The following MNAT1 variants were observed in gnomAD, a reference collection of about 807,000 sequenced individuals.
MNAT1 encodes MNAT1 component of CDK activating kinase, also known as CDK-activating kinase assembly factor MAT1.
In MNAT1, 43 loss-of-function variants were observed where a neutral mutation model predicts 42.0. The ratio of observed to expected loss-of-function variants is 1.02; its 90% CI spans 0.80 to 1.32. The LOEUF (loss-of-function observed/expected upper bound fraction) is 1.32. MNAT1 is among the 40% of genes most tolerant of loss of function. The pLI is 0.00. For synonymous variants in MNAT1, 118 were observed against 120.0 expected, an observed-to-expected ratio of 0.98 and a Z score of 0.11; for missense variants, 306 against 350.4, an observed-to-expected ratio of 0.87 and a Z score of 1.01.
Position 60,796,743 on chromosome 14 carries a change from A to G in MNAT1, c.242+374A>G, listed in dbSNP as rs934780220. ...CATGAGACTTACCATACAGTAGCAT[A>G]GGATAGCAAAAAGACAAAAAAACAA... On this transcript the variant is annotated intron_variant, in intron 2 of 7. Coordinates refer to ENST00000261245, the MANE Select transcript of MNAT1 (RefSeq NM_002431.4). Among the ~76,000 whole-genome samples, 47 of 152,176 alleles carry G rather than the reference A, an allele frequency of 3.1e-4. 1 individual carries two copies. Among genetic ancestry groups the G allele is most frequent in the Non-Finnish European group, 8.8e-5 (6 of 68,026 alleles).
At chr14:60,746,630 T>G (rs1356476568) in intron 1 of MNAT1, among the ~76,000 whole-genome samples, 2 of 151,412 alleles carry the variant, frequency 1.3e-5, no homozygotes, top group African/African-American at 4.9e-5. Flanking sequence ...TGAGGGATGG[T>G]GCTGATCACT....
intron 7 of MNAT1, among the ~76,000 whole-genome samples, chr14:60,953,344 T>C (rs1223073387): frequency 1.3e-5 from 2 of 152,160 alleles, no homozygotes; most frequent in Non-Finnish European, 2.9e-5. Context: ...AGATTCTTCT[T>C]ATCCTTTGAA....
intron 7 of MNAT1, among the ~76,000 whole-genome samples, chr14:60,903,387 T>C (rs2035113953): frequency 1.3e-5 from 2 of 152,110 alleles, no homozygotes; most frequent in Admixed American, 1.3e-4. Context: ...AAACTTCAAG[T>C]TCAGGAAATT....
intron 7 of MNAT1, among the ~76,000 whole-genome samples, chr14:60,910,805 C>T (rs1368941014): frequency 2.6e-5 from 4 of 152,122 alleles, no homozygotes; most frequent in Admixed American, 2.6e-4. Flanking sequence ...TGTGTCTCTG[C>T]CCGGCTTTGG....
chr14:60,798,031 A>G, intron 2 of MNAT1, 56 bp from the exon 3 acceptor site: 2 of 825,494 alleles, frequency 2.4e-6, no homozygotes, highest in South Asian at 3.0e-5. Context: ...AACCAGTTAG[A>G]TAATATTAAA....
intron 6 of MNAT1, among the ~76,000 whole-genome samples, chr14:60,860,135 C>T: frequency 6.6e-6 from 1 of 152,090 alleles, no homozygotes; most frequent in South Asian, 2.1e-4. Context: ...TGAGTTCTAA[C>T]TTTCAGGCTT....
chr14:60,755,216 T>C (rs965639504), intron 1 of MNAT1, among the ~76,000 whole-genome samples: 55 of 152,088 alleles, frequency 3.6e-4, no homozygotes, highest in Admixed American at 7.9e-4. Context: ...TGATCTCAGC[T>C]CACTGCAACC....
intron 7 of MNAT1, among the ~76,000 whole-genome samples, chr14:60,883,742 T>C (rs1263801318): frequency 6.6e-6 from 1 of 152,110 alleles, no homozygotes; most frequent in Admixed American, 6.6e-5. Flanking sequence ...GTGTGTCCTC[T>C]TCAATTTTTT....
intron 3 of MNAT1, among the ~76,000 whole-genome samples, 199 bp from the exon 4 acceptor site, chr14:60,808,126 G>T (rs1357849134): frequency 6.6e-6 from 1 of 152,080 alleles, no homozygotes; most frequent in Non-Finnish European, 1.5e-5. Context: ...CAGACAGTCT[G>T]TCCTTGTGTT....
chr14:60,769,179 A>G (rs778883667), intron 1 of MNAT1, among the ~76,000 whole-genome samples: 35 of 152,114 alleles, frequency 2.3e-4, no homozygotes, highest in Non-Finnish European at 4.9e-4. Context: ...TTTTCTTCAT[A>G]GATTGGCCAG....
intron 6 of MNAT1, among the ~76,000 whole-genome samples, chr14:60,840,589 C>T (rs1360756281): frequency 1.3e-5 from 2 of 152,316 alleles, no homozygotes; most frequent in East Asian, 3.9e-4. Context: ...AGTCCTTATA[C>T]TCCATCATAG....
chr14:60,777,428 C>A (rs2031292539), intron 1 of MNAT1, among the ~76,000 whole-genome samples: 1 of 151,788 alleles, frequency 6.6e-6, no homozygotes, highest in African/African-American at 2.4e-5. Context: ...TTACTTGTAC[C>A]CCACCTCTCC....
rs1184188164 is a variant in MNAT1, at chr14:60,740,852, T to C, written c.89+5901T>C. Among the ~76,000 whole-genome samples the C allele has an allele frequency of 6.6e-6, 1 of 152,216 alleles. No homozygotes were observed. Among genetic ancestry groups the C allele is most frequent in the African/African-American group, 2.4e-5 (1 of 41,456 alleles). On this transcript the variant is annotated intron_variant, in intron 1 of 7. Transcript: ENST00000261245. This position sits in a 1 kb window ranked among gnomAD's most constrained non-coding sequence, Gnocchi z 4.1. ...CATTCTGTGGTTGTTGGGTGTAGTGTAGTATAAGTTATAAACGTGGTACAT... is the reference window on the plus strand; with the variant it reads ...CATTCTGTGGTTGTTGGGTGTAGTGCAGTATAAGTTATAAACGTGGTACAT...
At chr14:60,956,581 A>G (rs2036491406) in intron 7 of MNAT1, among the ~76,000 whole-genome samples, 1 of 152,160 alleles carries the variant, frequency 6.6e-6, no homozygotes, top group Non-Finnish European at 1.5e-5. Context: ...TTATCTATCC[A>G]TTGTTCGAAG....
intron 6 of MNAT1, among the ~76,000 whole-genome samples, chr14:60,863,209 C>G (rs1239816762): frequency 1.6e-4 from 24 of 152,002 alleles, no homozygotes; most frequent in Non-Finnish European, 7.4e-5. Context: ...CCCAGGACTC[C>G]AGCCAGTGCA....
At chr14:60,869,040 A>ATATATTTTT (rs1465360826) in intron 6 of MNAT1, among the ~76,000 whole-genome samples, 27 of 113,028 alleles carry the variant, frequency 2.4e-4, no homozygotes, top group African/African-American at 7.5e-4. Context: ...ATATATATAT[A>ATATATTTTT]TTTTTTTTTT....
chr14:60,924,672 A>G (rs1415202752), intron 7 of MNAT1, among the ~76,000 whole-genome samples: 1 of 152,166 alleles, frequency 6.6e-6, no homozygotes, highest in Non-Finnish European at 1.5e-5. Flanking sequence ...CCATACAGAG[A>G]AAACTACTCT....
chr14:60,762,356 T>C (rs186777113), intron 1 of MNAT1, among the ~76,000 whole-genome samples: 229 of 152,142 alleles, frequency 1.5e-3, no homozygotes, highest in Middle Eastern at 6.8e-3. Context: ...TTCAAATAGA[T>C]TATCAGGAGA....
At chr14:60,853,868 A>G (rs888631714) in intron 6 of MNAT1, among the ~76,000 whole-genome samples, 3 of 152,166 alleles carry the variant, frequency 2.0e-5, no homozygotes, top group African/African-American at 7.2e-5. Flanking sequence ...GTGTATGTTG[A>G]ACCAGCCTTG....
Sources: gnomAD v4.1 joint callset for allele counts (sites outside exome capture counted in the v4.1 genomes callset) on GRCh38, gnomAD v4.1.1 for gene constraint, Gnocchi (gnomAD v3.1) non-coding constraint, MANE v1.5 for transcripts, NCBI Gene and HGNC (gene_info 2026-07-23, HGNC 2026-07-21) for gene names.